ZNF385D: variants seen among roughly 807,000 people sequenced by gnomAD.
The protein encoded by ZNF385D is zinc finger protein 659.
In ZNF385D, 15 loss-of-function variants were observed where a neutral mutation model predicts 35.8. That is an observed-to-expected ratio of 0.42 (90% CI 0.28 to 0.64). ZNF385D has a LOEUF of 0.64. Among genes scored for constraint, ZNF385D ranks in the 30% least tolerant of loss-of-function variants. The probability of loss-of-function intolerance (pLI) is 0.23; values close to 1 mark genes in which losing one functional copy is unlikely to be tolerated. For synonymous variants in ZNF385D, 212 were observed against 186.8 expected (o/e 1.13, Z -1.10); for missense variants, 474 against 494.6 (o/e 0.96, Z 0.39).
intron 3 of ZNF385D, among the ~76,000 whole-genome samples, chr3:21,762,303 A>C (rs934589744): frequency 1.3e-5 from 2 of 152,066 alleles, no homozygotes; most frequent in African/African-American, 4.8e-5. Flanking sequence ...CTTCATAATC[A>C]AACTTCTACA....
intron 3 of ZNF385D, among the ~76,000 whole-genome samples, chr3:21,794,846 C>T (rs9833224): frequency 0.017 from 2,532 of 152,314 alleles, 79 homozygotes; most frequent in African/African-American, 0.057. Flanking sequence ...TCCTGTTCTA[C>T]AGCCTACCTC....
intron 3 of ZNF385D, among the ~76,000 whole-genome samples, chr3:21,904,153 A>C (rs1699553308): frequency 6.6e-6 from 1 of 151,788 alleles, no homozygotes; most frequent in African/African-American, 2.4e-5. Context: ...AAAACACAAA[A>C]ATTAGCTGGG....
At chr3:21,493,656 G>T (rs1705600166) in intron 4 of ZNF385D, among the ~76,000 whole-genome samples, 1 of 151,284 alleles carries the variant, frequency 6.6e-6, no homozygotes, top group Non-Finnish European at 1.5e-5. Context: ...TTTGAGATGG[G>T]TCTGGCTATG....
intron 3 of ZNF385D, among the ~76,000 whole-genome samples, chr3:21,953,705 C>A (rs1404140058): frequency 6.6e-6 from 1 of 151,952 alleles, no homozygotes; most frequent in East Asian, 1.9e-4. Context: ...AATACTATAA[C>A]CAGCCATCCA....
chr3:21,984,632 T>A lies in ZNF385D; in HGVS notation c.325+184185A>T, dbSNP rs565525494. Among the ~76,000 whole-genome samples, 240 of 100,688 alleles carry A rather than the reference T, an allele frequency of 2.4e-3. 7 individuals carry two copies. The highest frequency in any genetic ancestry group is 9.0e-3 in the African/African-American group (225 of 24,920). The allele number at this position is 100,688 out of a possible 152,430, so 66.1% of individuals were successfully genotyped here. On this transcript the variant is annotated intron_variant, in intron 3 of 5. Transcript: ENST00000494108. The stretch of plus-strand genomic sequence containing the variant: ...CCAGCTTTGTTCTTTTGGCTTAGGA[T>A]TGACTTGGCGATGCGGGCTCTTTTT...
At chr3:21,565,982 G>T (rs976304736) in intron 2 of ZNF385D, among the ~76,000 whole-genome samples, 3 of 152,200 alleles carry the variant, frequency 2.0e-5, no homozygotes, top group African/African-American at 7.2e-5. Flanking sequence ...ACTGGAATCA[G>T]TTAATTCACA....
At chr3:22,359,048 A>G (rs1422117033) in intron 2 of ZNF385D, among the ~76,000 whole-genome samples, 1 of 69,108 alleles carries the variant, frequency 1.4e-5, no homozygotes, top group Admixed American at 2.6e-4. Context: ...CCGTATTAAA[A>G]CAAACAAACA....
intron 2 of ZNF385D, among the ~76,000 whole-genome samples, chr3:22,185,076 A>G (rs1695538630): frequency 6.6e-6 from 1 of 152,194 alleles, no homozygotes; most frequent in South Asian, 2.1e-4. Context: ...GTTATTTACT[A>G]TCAACTTCAG....
chr3:22,009,974 A>C (rs1329562214), intron 3 of ZNF385D, among the ~76,000 whole-genome samples: 1 of 152,128 alleles, frequency 6.6e-6, no homozygotes, highest in Non-Finnish European at 1.5e-5. Flanking sequence ...AAACAGTAGG[A>C]AGGACATAAA....
intron 2 of ZNF385D, among the ~76,000 whole-genome samples, chr3:22,258,286 T>G (rs1356898403): frequency 6.6e-6 from 1 of 151,780 alleles, no homozygotes; most frequent in Non-Finnish European, 1.5e-5. Context: ...GAGGAAGACA[T>G]AAAATTATAC....
At chr3:21,989,782 T>C (rs763494209) in intron 3 of ZNF385D, among the ~76,000 whole-genome samples, 15 of 152,232 alleles carry the variant, frequency 9.9e-5, no homozygotes, top group Non-Finnish European at 1.8e-4. Flanking sequence ...TGACCCAGGT[T>C]ACACAAAATT....
At chr3:21,927,673 G>C (rs572539777) in intron 3 of ZNF385D, among the ~76,000 whole-genome samples, 24 of 152,250 alleles carry the variant, frequency 1.6e-4, no homozygotes, top group African/African-American at 5.3e-4. Flanking sequence ...AAACATAATA[G>C]AGCTAGAGTG....
chr3:21,511,552 T>C (rs1163290860), intron 3 of ZNF385D: 1 of 381,112 alleles, frequency 2.6e-6, no homozygotes, highest in Non-Finnish European at 5.2e-6. Flanking sequence ...CAAAAGCAAA[T>C]GCACTTCTTA....
At position 22,178,270 on chromosome 3, in the gene ZNF385D, T is replaced by C. The variant is rs555208643; in HGVS notation, c.107-9235A>G. ...TGTTGTTTCCTGACTTTTTAATGAT[T>C]GCCATTCTAACTGGTGTGAGATGGC... is the stretch of plus-strand genomic sequence containing the variant. On this transcript the variant is annotated intron_variant, in intron 2 of 5. Transcript: ENST00000494108. Among the ~76,000 whole-genome samples the C allele has an allele frequency of 6.8e-3, 1,035 of 152,142 alleles. 13 individuals carry two copies. Among genetic ancestry groups the C allele is most frequent in the African/African-American group, 0.023 (954 of 41,494 alleles).
intron 2 of ZNF385D, among the ~76,000 whole-genome samples, chr3:21,574,013 T>C (rs2063414408): frequency 7.1e-6 from 1 of 139,994 alleles, no homozygotes; most frequent in Non-Finnish European, 1.5e-5. Context: ...TGAGCTGAGA[T>C]GACGCCACTG....
At chr3:22,088,925 C>A (rs187365154) in intron 3 of ZNF385D, among the ~76,000 whole-genome samples, 1 of 152,198 alleles carries the variant, frequency 6.6e-6, no homozygotes, top group East Asian at 1.9e-4. Context: ...TGAAAAAAAA[C>A]TGAGCAATCT....
chr3:21,956,417 A>G (rs1702291292), intron 3 of ZNF385D, among the ~76,000 whole-genome samples: 1 of 143,848 alleles, frequency 7.0e-6, no homozygotes, highest in Non-Finnish European at 1.6e-5. Flanking sequence ...TATGTTTAAA[A>G]TGATAAAGTT....
chr3:21,795,700 T>C lies in ZNF385D; in HGVS notation c.326-130672A>G, dbSNP rs114892617. On this transcript the variant is annotated intron_variant, in intron 3 of 5. Transcript: ENST00000494108. ...CATAGGTGCCTAACACTCAGTGAAT[T>C]TGTGGGAAGAAATTCTGACTCTGGC... is the stretch of plus-strand genomic sequence containing the variant. 7.0e-4 allele frequency among the ~76,000 whole-genome samples: 107 copies of C among 152,278 alleles called. 1 individual carries two copies. The highest frequency in any genetic ancestry group is 1.8e-3 in the African/African-American group (74 of 41,578).
At chr3:21,855,782 C>CA (rs1310138307) in intron 3 of ZNF385D, among the ~76,000 whole-genome samples, 1 of 151,930 alleles carries the variant, frequency 6.6e-6, no homozygotes, top group East Asian at 1.9e-4. Context: ...ACTGTAGATA[C>CA]AGTTTAAGGG....
Sources: gnomAD v4.1 joint callset for allele counts (sites outside exome capture counted in the v4.1 genomes callset) on GRCh38, gnomAD v4.1.1 for gene constraint, MANE v1.5 for transcripts, NCBI Gene and HGNC (gene_info 2026-07-23, HGNC 2026-07-21) for gene names.